The following SYT13 variants were observed in gnomAD, a reference collection of about 807,000 sequenced individuals.
SYT13 encodes synaptotagmin-13.
Under a neutral mutation model 38.6 loss-of-function variants are expected in SYT13, and 21 were observed. That is an observed-to-expected ratio of 0.54 (90% confidence interval 0.39 to 0.78). The LOEUF (loss-of-function observed/expected upper bound fraction) is 0.78. Ranked by LOEUF, SYT13 falls within the 30% of genes least tolerant of loss-of-function variation. The pLI is 0.00. For missense variants in SYT13, 495 were observed against 548.7 expected (o/e 0.90, Z 0.98); for synonymous variants, 241 against 237.6 (o/e 1.01, Z -0.13).
intron 2 of SYT13, 42 bp downstream of exon 2, chr11:45,255,623 TG>T: frequency 6.3e-7 from 1 of 1,580,262 alleles, no homozygotes. Context: ...CAAGCCCCAC[TG>T]GAGTGCTGCC....
Position 45,244,342 on chromosome 11 carries a change from C to A in SYT13, c.991G>T (p.Val331Leu), listed in dbSNP as rs1854589745. The change falls in exon 6 of 6, where the codon GTG (valine) becomes TTG (leucine). Residue 331 changes from valine to leucine, a missense_variant. Physicochemically the swap from Val to Leu is conservative, Grantham distance 32. Coordinates refer to ENST00000020926, the MANE Select transcript of SYT13 (RefSeq NM_020826.3). ...TTCCGAGCCTGGTGCTTCAAGGTCA[C>A]CTTGACAGAGACATCTGGGGAGGGG... Reference protein sequence around the residue: ...ELLGKDVSVKVTLKHQARKLK... With the variant: ...ELLGKDVSVKLTLKHQARKLK... The A allele has an allele frequency of 6.2e-7, 1 of 1,612,930 alleles. No individual in the cohort carries two copies. Among genetic ancestry groups the A allele is most frequent in the Non-Finnish European group, 8.5e-7 (1 of 1,179,364 alleles).
chr11:45,264,317 T>A (rs747041892), intron 1 of SYT13, among the ~76,000 whole-genome samples: 1 of 152,296 alleles, frequency 6.6e-6, no homozygotes. Context: ...CTGGACCTAG[T>A]GACTTGCTTC....
At chr11:45,270,762 C>A (rs191193186) in intron 1 of SYT13, among the ~76,000 whole-genome samples, 59 of 152,240 alleles carry the variant, frequency 3.9e-4, no homozygotes, top group Admixed American at 3.2e-3. Flanking sequence ...CTAAGACATC[C>A]ATCCACTTAT....
At chr11:45,265,646 C>T (rs550393067) in intron 1 of SYT13, among the ~76,000 whole-genome samples, 2 of 152,302 alleles carry the variant, frequency 1.3e-5, no homozygotes, top group South Asian at 4.1e-4. Context: ...CAGCATCTCT[C>T]TCACATGTCT....
Position 45,247,480 on chromosome 11 carries a change from T to A in SYT13, c.847-968A>T, listed in dbSNP as rs75575149. On this transcript the variant is annotated intron_variant, in intron 4 of 5. Transcript: ENST00000020926. Reference sequence around the variant, plus strand: ...CCCCATGGAAGCTTGTCCCTCCAGATGTCACAGCTTTCAGTCCTGTGGCCC... The same window carrying A: ...CCCCATGGAAGCTTGTCCCTCCAGAAGTCACAGCTTTCAGTCCTGTGGCCC... Among the ~76,000 whole-genome samples, 1,155 of 152,342 alleles carry A rather than the reference T, an allele frequency of 7.6e-3. 7 individuals are homozygous for A. The highest frequency in any genetic ancestry group is 0.024 in the Middle Eastern group (7 of 294).
chr11:45,257,925 G>T (rs999338491), intron 1 of SYT13, among the ~76,000 whole-genome samples: 1 of 152,222 alleles, frequency 6.6e-6, no homozygotes, highest in African/African-American at 2.4e-5. Flanking sequence ...TACCCCTCTT[G>T]TACAGATAAG....
At chr11:45,284,129 T>G (rs900905803) in intron 1 of SYT13, among the ~76,000 whole-genome samples, 2 of 152,104 alleles carry the variant, frequency 1.3e-5, no homozygotes, top group East Asian at 3.9e-4. Context: ...AAAAGAATGA[T>G]CGTAAATCCA....
chr11:45,250,592 T>C (rs1417750799), intron 4 of SYT13, among the ~76,000 whole-genome samples: 2 of 152,194 alleles, frequency 1.3e-5, no homozygotes, highest in Non-Finnish European at 2.9e-5. Context: ...TCCTAAGTAT[T>C]GATGCCTTCT....
chr11:45,258,862 C>T (rs919548355), intron 1 of SYT13, among the ~76,000 whole-genome samples: 3 of 152,086 alleles, frequency 2.0e-5, no homozygotes, highest in Admixed American at 6.5e-5. Context: ...CTAATGTCCC[C>T]GTCTTTCTAC....
At chr11:45,249,653 A>T (rs539893390) in intron 4 of SYT13, among the ~76,000 whole-genome samples, 1 of 152,312 alleles carries the variant, frequency 6.6e-6, no homozygotes, top group Admixed American at 6.5e-5. Flanking sequence ...ACAGGAACTG[A>T]AAACCAAACA....
At chr11:45,277,229 G>A (rs1355097095) in intron 1 of SYT13, among the ~76,000 whole-genome samples, 1 of 148,944 alleles carries the variant, frequency 6.7e-6, no homozygotes, top group Admixed American at 6.6e-5. Flanking sequence ...GATTGGAGGA[G>A]GGCGGAATAG....
At chr11:45,285,965 C>T in intron 1 of SYT13, 60 bp downstream of exon 1, 2 of 1,562,462 alleles carry the variant, frequency 1.3e-6, no homozygotes, top group Non-Finnish European at 1.7e-6. Flanking sequence ...AGTTCCCCCT[C>T]TGCAGCTGCC....
intron 1 of SYT13, among the ~76,000 whole-genome samples, chr11:45,256,356 C>A (rs919922439): frequency 2.6e-5 from 4 of 152,082 alleles, no homozygotes; most frequent in Non-Finnish European, 4.4e-5. Flanking sequence ...CGCCCCCAAT[C>A]CTTCCTTTGC....
chr11:45,265,298 G>C (rs1854868238), intron 1 of SYT13, among the ~76,000 whole-genome samples: 1 of 152,244 alleles, frequency 6.6e-6, no homozygotes, highest in East Asian at 1.9e-4. Context: ...GGACAATTTG[G>C]CCGCTCAGGC....
chr11:45,278,982 C>T (rs953864958), intron 1 of SYT13, among the ~76,000 whole-genome samples: 13 of 152,170 alleles, frequency 8.5e-5, no homozygotes, highest in African/African-American at 2.2e-4. Flanking sequence ...AGTGTGATGG[C>T]GGCAGCAAAG....
At chr11:45,262,461 C>G (rs1027171980) in intron 1 of SYT13, among the ~76,000 whole-genome samples, 1 of 152,066 alleles carries the variant, frequency 6.6e-6, no homozygotes, top group Middle Eastern at 3.2e-3. Flanking sequence ...CGCGGTGGCT[C>G]ATGCCTGTAC....
intron 1 of SYT13, among the ~76,000 whole-genome samples, chr11:45,264,766 C>A (rs1854861441): frequency 6.6e-6 from 1 of 151,984 alleles, no homozygotes; most frequent in South Asian, 2.1e-4. Flanking sequence ...GTGAGAATTA[C>A]CCAGGAAGAT....
rs114654021 is a variant in SYT13 at position 45,258,165 on chromosome 11, A to T, written c.184-2274T>A. On this transcript the variant is annotated intron_variant, in intron 1 of 5. Transcript: ENST00000020926. ...GTAAGCCTAGATCAGCCTGGCCCAAAGCCCACTGCCCCCATGGCTTTCGAC... is the reference window on the plus strand; with the variant it reads ...GTAAGCCTAGATCAGCCTGGCCCAATGCCCACTGCCCCCATGGCTTTCGAC... Among the ~76,000 whole-genome samples the T allele has an allele frequency of 8.3e-3, 1,258 of 152,346 alleles. 24 individuals are homozygous for T. Among genetic ancestry groups the T allele is most frequent in the African/African-American group, 0.029 (1,191 of 41,568 alleles).
intron 1 of SYT13, among the ~76,000 whole-genome samples, chr11:45,282,728 T>C (rs1855088625): frequency 6.6e-6 from 1 of 152,214 alleles, no homozygotes; most frequent in Non-Finnish European, 1.5e-5. Context: ...TATTCCTAAT[T>C]ACAGAAAATA....
Sources: allele counts gnomAD v4.1 joint callset (sites outside exome capture counted in the v4.1 genomes callset), GRCh38; gene constraint gnomAD v4.1.1; transcripts MANE v1.5; gene names NCBI Gene and HGNC (gene_info 2026-07-23, HGNC 2026-07-21).